ZNF33A: variants seen among roughly 807,000 people sequenced by gnomAD.
ZNF33A encodes the protein brain my041 protein.
In ZNF33A, 9 loss-of-function variants were observed where a neutral mutation model predicts 15.9. That is an observed-to-expected ratio of 0.57 (90% confidence interval 0.34 to 0.99). The LOEUF (loss-of-function observed/expected upper bound fraction) is 0.99. Ranked by LOEUF, ZNF33A falls within the 50% of genes least tolerant of loss-of-function variation. The pLI is 0.02. For synonymous variants in ZNF33A, 294 were observed against 324.2 expected (o/e 0.91, Z 1.00); for missense variants, 843 against 941.6 (o/e 0.90, Z 1.37).
Position 38,055,604 on chromosome 10 carries a change from G to T in ZNF33A, c.1480G>T (p.Asp494Tyr), listed in dbSNP as rs781305936. ...ACAGCATCAGAGAATTCACATAGGAGATAAATCTTATGAATGTAATGCATG... is the reference window on the plus strand; with the variant it reads ...ACAGCATCAGAGAATTCACATAGGATATAAATCTTATGAATGTAATGCATG... ...LTQHQRIHIG[D>Y]KSYECNACGK... Residue 494 changes from aspartate to tyrosine, a missense_variant, in exon 5 of 5, where the codon GAT (aspartate) becomes TAT (tyrosine). Asp to Tyr is a radical substitution (Grantham distance 160, BLOSUM62 -3). Coordinates refer to ENST00000432900, the MANE Select transcript of ZNF33A (RefSeq NM_006954.2). 4 of 1,613,944 alleles carry T rather than the reference G, an allele frequency of 2.5e-6. No homozygotes were observed. In the African/African-American group the frequency reaches 4.0e-5, roughly 16 times the overall value.
intron 4 of ZNF33A, among the ~76,000 whole-genome samples, chr10:38,033,120 C>G (rs2065284945): frequency 6.6e-6 from 1 of 152,214 alleles, no homozygotes; most frequent in South Asian, 2.1e-4. Flanking sequence ...CTTTCTCTTT[C>G]CCATTTCCTG....
In ZNF33A at chr10:38,021,029, G is replaced by A. The variant is rs539216304; in HGVS notation, c.250+3643G>A. 8.1e-4 allele frequency among the ~76,000 whole-genome samples: 124 copies of A among 152,198 alleles called. 1 individual carries two copies. Among genetic ancestry groups the A allele is most frequent in the Middle Eastern group, 3.4e-3 (1 of 294 alleles). ...TAGTTGCCAATCTTAGTCTTCCTGC[G>A]GGGGGAGTGGGTATGATCGGTGGTG... On this transcript the variant is annotated intron_variant, in intron 4 of 4. Transcript: ENST00000432900.
At position 38,024,163 on chromosome 10, in the gene ZNF33A, C is replaced by CAAAA. The variant is rs71007682; in HGVS notation, c.250+6792_250+6795dup. Among the ~76,000 whole-genome samples, 322 of 93,154 alleles carry CAAAA rather than the reference C, an allele frequency of 3.5e-3. 4 individuals are homozygous for CAAAA. Among genetic ancestry groups the CAAAA allele is most frequent in the African/African-American group, 7.1e-3 (173 of 24,404 alleles). 61.1% of individuals were successfully genotyped at this position (93,154 alleles called of 152,430 possible). On this transcript the variant is annotated intron_variant, in intron 4 of 4. Transcript: ENST00000432900. Reference sequence around the variant, plus strand: ...GTGAAACTCCGTCTCAAAAACAAAACAAAAAAAAAAAAAAAAAAGAAAAAA... The same window carrying CAAAA: ...GTGAAACTCCGTCTCAAAAACAAAACAAAAAAAAAAAAAAAAAAAAAAGAAAAAA...
chr10:38,021,483 A>G (rs559549556), intron 4 of ZNF33A, among the ~76,000 whole-genome samples: 48 of 98,324 alleles, frequency 4.9e-4, no homozygotes, highest in African/African-American at 1.7e-3. Context: ...TCTACTAAAA[A>G]TACAAAAATT....
intron 4 of ZNF33A, among the ~76,000 whole-genome samples, chr10:38,045,784 G>A (rs1472720803): frequency 6.6e-6 from 1 of 152,144 alleles, no homozygotes; most frequent in Non-Finnish European, 1.5e-5. Flanking sequence ...TTCTTTTTGA[G>A]GGTGACCTTA....
intron 4 of ZNF33A, among the ~76,000 whole-genome samples, chr10:38,019,735 G>A (rs2064653400): frequency 6.6e-6 from 1 of 152,206 alleles, no homozygotes; most frequent in Non-Finnish European, 1.5e-5. Context: ...TTGGCTAGAA[G>A]TTCTCTAAAT....
At position 38,016,985 on chromosome 10, in the gene ZNF33A, C is replaced by T. The variant is rs1396713619; in HGVS notation, c.124C>T (p.Leu42=). The change falls in exon 3 of 5, where the codon CTG becomes TTG. Residue 42 remains leucine, a synonymous_variant. Transcript: ENST00000432900. ...GAGGGCTCTGTATAGAGATGTGATGCTGGAGAACTACAGCAACCTTGTCTC... is the reference window on the plus strand; with the variant it reads ...GAGGGCTCTGTATAGAGATGTGATGTTGGAGAACTACAGCAACCTTGTCTC... The part of the protein sequence containing the change: ...SQRALYRDVM[L]ENYSNLVSVG... The T allele has an allele frequency of 6.2e-7, 1 of 1,608,996 alleles. No homozygotes were observed. The highest frequency in any genetic ancestry group is 1.7e-5 in the Admixed American group (1 of 58,384).
chr10:38,054,515 A>T lies in ZNF33A; in HGVS notation c.391A>T (p.Ser131Cys). ...AGGAATACCATTTAATGTGGATGTA[A>T]GTTCTTTTCCTTCCAGAAAAATGTT... ...VIGIPFNVDV[S>C]SFPSRKMFCQ... Residue 131 changes from serine to cysteine, a missense_variant, in exon 5 of 5, where the codon AGT becomes TGT. Ser to Cys is a moderately radical substitution (Grantham distance 112, BLOSUM62 -1). Transcript: ENST00000432900. 2 of 1,613,078 alleles carry T rather than the reference A, an allele frequency of 1.2e-6. No individual in the cohort carries two copies. Among genetic ancestry groups the T allele is most frequent in the Non-Finnish European group, 1.7e-6 (2 of 1,179,698 alleles).
At chr10:38,039,762 C>CT in intron 4 of ZNF33A, 1 of 315,934 alleles carries the variant, frequency 3.2e-6, no homozygotes, top group South Asian at 2.5e-5. Context: ...TAATTTGAAC[C>CT]TTCTCTCTCT....
rs181751829 is a variant in ZNF33A, at chr10:38,057,193, C to T, written c.*633C>T. The T allele has an allele frequency of 2.8e-3, 2,774 of 983,096 alleles. 5 individuals are homozygous for T. Among genetic ancestry groups the T allele is most frequent in the South Asian group, 0.01 (215 of 21,256 alleles). 60.9% of individuals were successfully genotyped at this position (983,096 alleles called of 1,614,324 possible). On this transcript the variant is annotated 3_prime_UTR_variant, in exon 5 of 5. Transcript: ENST00000432900. The stretch of plus-strand genomic sequence containing the variant: ...TTTTACATTTGAGTAACCATCAACA[C>T]GATTAGTTTACAGAACTGAAAAGGA...
Position 38,017,567 on chromosome 10 carries a change from TC to T in ZNF33A, c.250+183del, listed in dbSNP as rs560307695. The T allele has an allele frequency of 1.1e-3, 494 of 453,962 alleles. 9 individuals carry two copies. In the South Asian group the frequency reaches 0.016, roughly 15 times the overall value. The allele number at this position is 453,962 out of a possible 1,614,324, so 28.1% of individuals were successfully genotyped here. A position where few individuals can be genotyped will look rare whatever the true frequency, so the allele number is the denominator to read the frequency against. On this transcript the variant is annotated intron_variant, in intron 4 of 4. Transcript: ENST00000432900. ...CTTCCAGATACTACTCACAAAAAAT[TC>T]CTCCTTTTTGAATCGTTTTTTGAAT...
chr10:38,012,424 T>TG, intron 2 of ZNF33A, 74 bp downstream of exon 2: 18 of 1,290,674 alleles, frequency 1.4e-5, no homozygotes, highest in Non-Finnish European at 1.7e-5. Context: ...ATATGGTGTT[T>TG]GTTTTTTTTT....
chr10:38,054,785 T>C lies in ZNF33A; in HGVS notation c.661T>C (p.Tyr221His), dbSNP rs780179746. The C allele has an allele frequency of 1.4e-5, 22 of 1,613,616 alleles. No homozygotes were observed. The highest frequency in any genetic ancestry group is 1.8e-5 in the Non-Finnish European group (21 of 1,179,954). ...KIQTLEHNFE[Y>H]SICQETLLEK... Reference sequence around the variant, plus strand: ...TCAAACTTTAGAGCACAATTTTGAATACAGTATATGTCAGGAAACCCTCCT... The same window carrying C: ...TCAAACTTTAGAGCACAATTTTGAACACAGTATATGTCAGGAAACCCTCCT... Residue 221 changes from tyrosine to histidine, a missense_variant, in exon 5 of 5, where the codon TAC (tyrosine) becomes CAC (histidine). Tyr to His is a moderately conservative substitution (Grantham distance 83, BLOSUM62 2). Coordinates refer to ENST00000432900, the MANE Select transcript of ZNF33A (RefSeq NM_006954.2).
At chr10:38,045,910 T>C (rs946790423) in intron 4 of ZNF33A, among the ~76,000 whole-genome samples, 2 of 152,190 alleles carry the variant, frequency 1.3e-5, no homozygotes, top group African/African-American at 4.8e-5. Flanking sequence ...TTATTCAGGA[T>C]CTAGAGGCTA....
intron 4 of ZNF33A, among the ~76,000 whole-genome samples, chr10:38,031,823 C>T (rs1234035456): frequency 2.7e-5 from 4 of 150,594 alleles, no homozygotes; most frequent in African/African-American, 7.3e-5. Context: ...ATTAGCCAGG[C>T]GTGATGGTGC....
intron 2 of ZNF33A, 81 bp downstream of exon 2, chr10:38,012,431 T>TG (rs2064229988): frequency 2.8e-6 from 4 of 1,441,636 alleles, no homozygotes; most frequent in East Asian, 2.3e-5. Context: ...GTTTGTTTTT[T>TG]TTTTTTTTTT....
At chr10:38,051,031 G>C (rs1336213118) in intron 4 of ZNF33A, among the ~76,000 whole-genome samples, 1 of 151,996 alleles carries the variant, frequency 6.6e-6, no homozygotes. Context: ...AATTTTGGAT[G>C]AATCAAGTAT....
At position 38,055,181 on chromosome 10, in the gene ZNF33A, G is replaced by C. The variant is rs1409031630; in HGVS notation, c.1057G>C (p.Gly353Arg). ...CACTCGACATCAGAGGGTGCACACA[G>C]GACAGAAACCCTTTCAATGTAATGA... ...HLTRHQRVHTGQKPFQCNECE... is the reference protein window; with the variant it reads ...HLTRHQRVHTRQKPFQCNECE... Residue 353 changes from glycine (G) to arginine (R), a missense_variant, in exon 5 of 5, where the codon GGA becomes CGA. Coordinates refer to ENST00000432900, the MANE Select transcript of ZNF33A (RefSeq NM_006954.2). 1 of 1,613,998 alleles carries C rather than the reference G, an allele frequency of 6.2e-7. No individual in the cohort carries two copies. The highest frequency in any genetic ancestry group is 1.3e-5 in the African/African-American group (1 of 74,914).
intron 4 of ZNF33A, among the ~76,000 whole-genome samples, chr10:38,026,460 G>A (rs2064994271): frequency 6.6e-6 from 1 of 152,160 alleles, no homozygotes; most frequent in Admixed American, 6.5e-5. Context: ...TCAGCTTCCC[G>A]AGTAGCTGGG....
Sources: allele counts gnomAD v4.1 joint callset (sites outside exome capture counted in the v4.1 genomes callset), GRCh38; gene constraint gnomAD v4.1.1; transcripts MANE v1.5; gene names NCBI Gene and HGNC (gene_info 2026-07-23, HGNC 2026-07-21).